The following OSBPL10 variants were observed in gnomAD, a reference collection of about 807,000 sequenced individuals.
The protein encoded by OSBPL10 is oxysterol-binding protein-related protein 10.
In OSBPL10, 49 loss-of-function variants were observed where a neutral mutation model predicts 81.7. The observed-to-expected ratio is 0.60, with a 90% confidence interval of 0.48 to 0.76. The LOEUF is 0.76. Among genes scored for constraint, OSBPL10 ranks in the 30% least tolerant of loss-of-function variants. The pLI, the probability that OSBPL10 is intolerant of heterozygous loss-of-function variation, is 0.00. For missense variants in OSBPL10, 923 were observed against 987.8 expected, an observed-to-expected ratio of 0.93 and a Z score of 0.88; for synonymous variants, 419 against 383.6, an observed-to-expected ratio of 1.09 and a Z score of -1.08.
At position 31,989,651 on chromosome 3, in the gene OSBPL10, C is replaced by T. The variant is rs776939738; in HGVS notation, n.298+56840G>A. ...ATCAACGATGCTTCCTCAGTTCTAA[C>T]GTCCCAAAGAATTTCTTCTAGGCCC... On this transcript the variant is annotated intron_variant and non_coding_transcript_variant, in intron 2 of 3. Coordinates refer to the OSBPL10 transcript ENST00000479173. The T allele has an allele frequency of 7.4e-6, 12 of 1,613,992 alleles. No individual in the cohort carries two copies. The East Asian group carries it at 1.1e-4, about 15-fold the overall frequency.
At position 32,064,867 on chromosome 3, in the gene OSBPL10, T is replaced by C. The variant is rs1310787754; in HGVS notation, n.185+12529A>G. Reference sequence around the variant, plus strand: ...ATTTCCTAGATACATGTGTGTTTTTTTGTTTTTTTCCCCCTTTCTCTTAGG... The same window carrying C: ...ATTTCCTAGATACATGTGTGTTTTTCTGTTTTTTTCCCCCTTTCTCTTAGG... On this transcript the variant is annotated intron_variant and non_coding_transcript_variant, in intron 1 of 3. Transcript: ENST00000479173. 3 of 93,834 alleles carry C rather than the reference T, an allele frequency of 3.2e-5. 1 individual carries two copies. Among genetic ancestry groups the C allele is most frequent in the African/African-American group, 8.2e-5 (3 of 36,468 alleles). The allele number at this position is 93,834 out of a possible 1,614,324, so 5.8% of individuals were successfully genotyped here.
chr3:31,947,465 C>A (rs1028613544), intron 1 of OSBPL10, among the ~76,000 whole-genome samples: 4 of 152,112 alleles, frequency 2.6e-5, no homozygotes. Flanking sequence ...CTGCCTATAG[C>A]GAGTGTCCAA....
chr3:32,039,775 T>C (rs899540832), intron 2 of OSBPL10, among the ~76,000 whole-genome samples: 2 of 152,184 alleles, frequency 1.3e-5, no homozygotes, highest in Non-Finnish European at 2.9e-5. Flanking sequence ...ATGTATTCTA[T>C]AACTGGAGAA....
chr3:31,892,294 A>G (rs1695915325), intron 1 of OSBPL10, among the ~76,000 whole-genome samples: 1 of 152,198 alleles, frequency 6.6e-6, no homozygotes, highest in Non-Finnish European at 1.5e-5. Context: ...AGATGGGGCT[A>G]AAGACGTAGG....
intron 4 of OSBPL10, among the ~76,000 whole-genome samples, chr3:31,801,912 T>C (rs567244040): frequency 1.3e-5 from 2 of 152,078 alleles, no homozygotes; most frequent in South Asian, 4.1e-4. Context: ...AACCTCTGCC[T>C]CCAGGATTCA....
intron 3 of OSBPL10, among the ~76,000 whole-genome samples, chr3:31,856,781 ATG>A (rs1470045970): frequency 1.3e-5 from 2 of 152,216 alleles, no homozygotes; most frequent in Non-Finnish European, 2.9e-5. Context: ...CTTCTTGAAA[ATG>A]TTTTCATGTA....
chr3:31,665,488 T>C (rs1700167589), intron 10 of OSBPL10, among the ~76,000 whole-genome samples: 2 of 152,120 alleles, frequency 1.3e-5, no homozygotes, highest in Admixed American at 1.3e-4. Flanking sequence ...AGTGCTGGCA[T>C]GGTCAGGCAG....
At chr3:31,789,397 T>C (rs1219814558) in intron 4 of OSBPL10, among the ~76,000 whole-genome samples, 1 of 151,950 alleles carries the variant, frequency 6.6e-6, no homozygotes, top group East Asian at 1.9e-4. Context: ...CATGAAAGAG[T>C]AGTCTAGTCA....
chr3:31,842,668 C>T (rs1700527969), intron 3 of OSBPL10, among the ~76,000 whole-genome samples: 1 of 152,150 alleles, frequency 6.6e-6, no homozygotes, highest in African/African-American at 2.4e-5. Context: ...TTCCTGTCCC[C>T]AGAGACTCTA....
At chr3:32,025,705 C>A (rs929965931) in intron 2 of OSBPL10, among the ~76,000 whole-genome samples, 1 of 152,142 alleles carries the variant, frequency 6.6e-6, no homozygotes, top group African/African-American at 2.4e-5. Context: ...TTTTCCAAGC[C>A]AGTAATTTAC....
At chr3:31,908,881 T>C (rs1696495483) in intron 1 of OSBPL10, among the ~76,000 whole-genome samples, 1 of 152,228 alleles carries the variant, frequency 6.6e-6, no homozygotes, top group African/African-American at 2.4e-5. Flanking sequence ...CATTGTTTTA[T>C]TTGGCTTTCA....
chr3:31,999,359 CT>C (rs5847729), intron 2 of OSBPL10, among the ~76,000 whole-genome samples: 9,471 of 125,818 alleles, frequency 0.075, 536 homozygotes, highest in East Asian at 0.34. Flanking sequence ...ATATCAAAAT[CT>C]TTTTTTTTTT....
intron 8 of OSBPL10, among the ~76,000 whole-genome samples, chr3:31,673,053 C>T (rs1309266902): frequency 6.6e-6 from 1 of 152,176 alleles, no homozygotes; most frequent in African/African-American, 2.4e-5. Context: ...CTTGACTAAA[C>T]TCATCTTGCC....
At chr3:31,806,789 TG>T (rs1699531957) in intron 4 of OSBPL10, among the ~76,000 whole-genome samples, 1 of 94,728 alleles carries the variant, frequency 1.1e-5, no homozygotes, top group Non-Finnish European at 2.1e-5. Flanking sequence ...TAGAGGAAGT[TG>T]GGGGGTGGGG....
intron 1 of OSBPL10, among the ~76,000 whole-genome samples, chr3:31,948,873 A>C (rs1697779350): frequency 1.3e-5 from 2 of 152,232 alleles, no homozygotes; most frequent in Admixed American, 1.3e-4. Context: ...TGATGGAGTT[A>C]GAGAGTACCT....
At position 31,670,918 on chromosome 3, in the gene OSBPL10, A is replaced by T; in HGVS notation, c.1792T>A (p.Ser598Thr). The change falls in exon 9 of 12, where the codon TCC becomes ACC. Residue 598 changes from serine (S) to threonine (T), a missense_variant. Ser to Thr is a moderately conservative substitution (Grantham distance 58). Around this residue, in one of 3 missense-constraint regions of OSBPL10, gnomAD observed 387 missense variants for 436.3 expected, o/e 0.89. Transcript: ENST00000396556. ...VFTLPSAYARSILTIPWVELG... is the reference protein window; with the variant it reads ...VFTLPSAYARTILTIPWVELG... ...TCCACCCACGGGATGGTGAGAATGG[A>T]CCGGGCGTAGGCACTAGGCAGGGTG... 6.2e-7 allele frequency: 1 copy of T among 1,614,100 alleles called. No individual in the cohort carries two copies. The highest frequency in any genetic ancestry group is 8.5e-7 in the Non-Finnish European group (1 of 1,179,986).
At chr3:31,895,838 G>T (rs1298824339) in intron 1 of OSBPL10, among the ~76,000 whole-genome samples, 1 of 152,178 alleles carries the variant, frequency 6.6e-6, no homozygotes. Flanking sequence ...AAATTCTACA[G>T]TTATTTGTGG....
chr3:31,773,343 A>G (rs2125751914), intron 4 of OSBPL10, among the ~76,000 whole-genome samples: 1 of 152,284 alleles, frequency 6.6e-6, no homozygotes, highest in East Asian at 1.9e-4. Context: ...CGTCAGCACT[A>G]CGCCTGGGGG....
intron 3 of OSBPL10, among the ~76,000 whole-genome samples, chr3:31,870,070 G>T (rs910095812): frequency 6.6e-6 from 1 of 152,254 alleles, no homozygotes; most frequent in Non-Finnish European, 1.5e-5. Context: ...GCCCCTTTCT[G>T]GGCTGGCCAA....
Sources: gnomAD v4.1 joint callset for allele counts (sites outside exome capture counted in the v4.1 genomes callset) on GRCh38, gnomAD v4.1.1 for gene constraint, gnomAD v4.1.1 regional missense constraint, MANE v1.5 for transcripts, NCBI Gene and HGNC (gene_info 2026-07-23, HGNC 2026-07-21) for gene names.